Variants in PIP5K1C observed in about 807,000 individuals in gnomAD.
PIP5K1C encodes the protein phosphatidylinositol-4-phosphate 5-kinase type 1 gamma.
Under a neutral mutation model 80.1 loss-of-function variants are expected in PIP5K1C, and 45 were observed. The observed-to-expected ratio is 0.56, with a 90% confidence interval of 0.44 to 0.72. The LOEUF is 0.72. Ranked by LOEUF, PIP5K1C falls within the 30% of genes least tolerant of loss-of-function variation. The pLI, the probability that PIP5K1C is intolerant of heterozygous loss-of-function variation, is 0.00. For synonymous variants in PIP5K1C, 498 were observed against 420.1 expected (o/e 1.19, Z -2.27); for missense variants, 753 against 954.6 (o/e 0.79, Z 2.78).
At chr19:3,677,804 GGGAGGGAT>G (rs2035415644) in intron 1 of PIP5K1C, among the ~76,000 whole-genome samples, 1 of 60,254 alleles carries the variant, frequency 1.7e-5, no homozygotes, top group Admixed American at 1.4e-4. Flanking sequence ...CAGGGAGGGA[GGGAGGGAT>G]AGATGGAGGG....
intron 6 of PIP5K1C, among the ~76,000 whole-genome samples, chr19:3,654,393 G>A (rs989835221): frequency 2.6e-5 from 4 of 152,244 alleles, no homozygotes; most frequent in African/African-American, 9.6e-5. Context: ...AGACCCACAG[G>A]GAGAGGAGTG....
chr19:3,697,045 TGAGCTGGACCGGGGAGGACC>T (rs1379904259), intron 1 of PIP5K1C, among the ~76,000 whole-genome samples: 13 of 140,340 alleles, frequency 9.3e-5, no homozygotes, highest in Non-Finnish European at 1.6e-4. Flanking sequence ...AAAGGAGGAC[TGAGCTGGACCGGGGAGGACC>T]GAGCTGGACC....
At chr19:3,638,513 GC>G (rs1295884030) in intron 16 of PIP5K1C, among the ~76,000 whole-genome samples, 1 of 152,250 alleles carries the variant, frequency 6.6e-6, no homozygotes, top group African/African-American at 2.4e-5. Flanking sequence ...CTGTGCCAGG[GC>G]CTCCCGAGGG....
intron 10 of PIP5K1C, among the ~76,000 whole-genome samples, chr19:3,646,726 GA>G (rs1219127002): frequency 6.6e-6 from 1 of 152,228 alleles, no homozygotes; most frequent in East Asian, 1.9e-4. Flanking sequence ...GCTTATTCTG[GA>G]AGCTCCTGCC....
intron 17 of PIP5K1C, 33 bp from the exon 18 acceptor site, chr19:3,633,202 G>A (rs1046802074): frequency 7.9e-6 from 6 of 757,098 alleles, no homozygotes; most frequent in South Asian, 1.4e-5. Flanking sequence ...GAAGGTGGGC[G>A]GGGCGAGGGC....
intron 15 of PIP5K1C, among the ~76,000 whole-genome samples, chr19:3,639,379 G>C (rs1470664897): frequency 6.6e-6 from 1 of 152,220 alleles, no homozygotes; most frequent in Non-Finnish European, 1.5e-5. Context: ...TTCCTCATCT[G>C]TCAAGTGGGG....
Position 3,632,296 on chromosome 19 carries a change from C to A in PIP5K1C, c.*871G>T, listed in dbSNP as rs992650043. On this transcript the variant is annotated 3_prime_UTR_variant, in exon 18 of 18. Coordinates refer to ENST00000335312, the MANE Select transcript of PIP5K1C (RefSeq NM_012398.3). ...AGCTGGTCTCCTGTGGCCCAAGGCC[C>A]GGCCTCCCGCTCTGTCCTGCCATGG... The A allele has an allele frequency of 6.6e-6, 1 of 152,346 alleles. No individual in the cohort carries two copies. Among genetic ancestry groups the A allele is most frequent in the African/African-American group, 2.4e-5 (1 of 41,464 alleles). 9.4% of individuals were successfully genotyped at this position (152,346 alleles called of 1,614,324 possible).
At chr19:3,686,672 C>T (rs924725031) in intron 1 of PIP5K1C, among the ~76,000 whole-genome samples, 8 of 151,472 alleles carry the variant, frequency 5.3e-5, no homozygotes, top group African/African-American at 1.7e-4. Flanking sequence ...GAACCGAGAT[C>T]GCACCATTGC....
rs537565692 is a variant in PIP5K1C at position 3,696,635 on chromosome 19, C to T, written c.94+3662G>A. On this transcript the variant is annotated intron_variant, in intron 1 of 17. Coordinates refer to ENST00000335312, the MANE Select transcript of PIP5K1C (RefSeq NM_012398.3). The surrounding 1 kb of genome is among the most constrained non-coding windows in gnomAD (Gnocchi z 4.1). ...GGGGTGGGGGGCAGCCGTGCAAAGG[C>T]CCCGGGGCAGGACCATGCCCTGCAT... Among the ~76,000 whole-genome samples the T allele has an allele frequency of 6.7e-6, 1 of 148,736 alleles. No individual in the cohort carries two copies. Among genetic ancestry groups the T allele is most frequent in the African/African-American group, 2.5e-5 (1 of 39,950 alleles).
At chr19:3,698,962 C>T (rs955683871) in intron 1 of PIP5K1C, among the ~76,000 whole-genome samples, 10 of 150,052 alleles carry the variant, frequency 6.7e-5, no homozygotes, top group African/African-American at 2.5e-4. Flanking sequence ...CTCCCCCGCT[C>T]TCCCACCCCA....
intron 16 of PIP5K1C, among the ~76,000 whole-genome samples, chr19:3,638,639 G>A (rs1260257872): frequency 6.6e-6 from 1 of 152,120 alleles, no homozygotes; most frequent in African/African-American, 2.4e-5. Flanking sequence ...AGAAAGGCCT[G>A]GTTTGGAGGA....
At chr19:3,697,225 CG>C (rs1206342677) in intron 1 of PIP5K1C, among the ~76,000 whole-genome samples, 2 of 145,212 alleles carry the variant, frequency 1.4e-5, no homozygotes, top group African/African-American at 5.2e-5. Context: ...TAAGCTGGAC[CG>C]GGGAGGACCG....
chr19:3,682,896 A>T (rs1163095909), intron 1 of PIP5K1C, among the ~76,000 whole-genome samples: 3 of 151,618 alleles, frequency 2.0e-5, no homozygotes, highest in Non-Finnish European at 4.4e-5. Flanking sequence ...GCCTCAATGA[A>T]CGTTTGCTGG....
At chr19:3,661,313 C>T (rs1178818154) in intron 4 of PIP5K1C, among the ~76,000 whole-genome samples, 1 of 105,980 alleles carries the variant, frequency 9.4e-6, no homozygotes, top group Non-Finnish European at 2.1e-5. Flanking sequence ...GTTGGCCAGG[C>T]ACATGGCCGC....
At chr19:3,660,848 A>C in intron 5 of PIP5K1C, 118 bp downstream of exon 5, 1 of 781,440 alleles carries the variant, frequency 1.3e-6, no homozygotes. Context: ...GAACCTGACC[A>C]TAACCCTACA....
rs963627112 is a variant in PIP5K1C at position 3,688,732 on chromosome 19, A to G, written c.94+11565T>C. Among the ~76,000 whole-genome samples, 4 of 150,400 alleles carry G rather than the reference A, an allele frequency of 2.7e-5. No homozygotes were observed. Among genetic ancestry groups the G allele is most frequent in the African/African-American group, 4.9e-5 (2 of 41,064 alleles). The stretch of plus-strand genomic sequence containing the variant: ...TTGCTCAAACAGGACTGAGAGCGGA[A>G]AGAGAGAGAGAGAGAGGAGAGTGGG... On this transcript the variant is annotated intron_variant, in intron 1 of 17. Coordinates refer to ENST00000335312, the MANE Select transcript of PIP5K1C (RefSeq NM_012398.3). The surrounding 1 kb of genome is among the most constrained non-coding windows in gnomAD (Gnocchi z 5.3).
intron 1 of PIP5K1C, among the ~76,000 whole-genome samples, chr19:3,670,571 C>T (rs1486747576): frequency 3.3e-5 from 5 of 152,260 alleles, no homozygotes; most frequent in African/African-American, 1.2e-4. Context: ...CCAGAACAAA[C>T]GCCTGTTCAA....
Position 3,648,730 on chromosome 19 carries a change from A to AC in PIP5K1C, c.1128-23dup, listed in dbSNP as rs1259595963. The stretch of plus-strand genomic sequence containing the variant: ...CATCCTGGGGAGAGAGGCCGAGGGT[A>AC]CCATCAGCATCCCGCAGAGCTGGGA... On this transcript the variant is annotated intron_variant, in intron 8 of 17. Coordinates refer to ENST00000335312, the MANE Select transcript of PIP5K1C (RefSeq NM_012398.3). This position sits in a 1 kb window ranked among gnomAD's most constrained non-coding sequence, Gnocchi z 4.3. 1.3e-5 allele frequency: 21 copies of AC among 1,605,356 alleles called. No homozygotes were observed. Among genetic ancestry groups the AC allele is most frequent in the Non-Finnish European group, 1.8e-5 (21 of 1,173,106 alleles).
At chr19:3,670,988 G>A (rs1350362614) in intron 1 of PIP5K1C, among the ~76,000 whole-genome samples, 2 of 152,378 alleles carry the variant, frequency 1.3e-5, no homozygotes, top group African/African-American at 4.8e-5. Context: ...GGTGCTGGAC[G>A]CTGACGTGAT....
Sources: gnomAD v4.1 joint callset for allele counts (sites outside exome capture counted in the v4.1 genomes callset) on GRCh38, gnomAD v4.1.1 for gene constraint, Gnocchi (gnomAD v3.1) non-coding constraint, MANE v1.5 for transcripts, NCBI Gene and HGNC (gene_info 2026-07-23, HGNC 2026-07-21) for gene names.